The following RCBTB2 variants were observed in gnomAD, a reference collection of about 807,000 sequenced individuals.
The protein encoded by RCBTB2 is RCC1 and BTB domain-containing protein 2.
Under a neutral mutation model 65.4 loss-of-function variants are expected in RCBTB2, and 55 were observed. The ratio of observed to expected loss-of-function variants is 0.84; its 90% CI spans 0.68 to 1.05. RCBTB2 has a LOEUF of 1.05. RCBTB2 is among the 50% of genes least tolerant of loss of function. The pLI is 0.00. For missense variants in RCBTB2, 599 were observed against 680.1 expected, an observed-to-expected ratio of 0.88 and a Z score of 1.33; for synonymous variants, 220 against 255.2, an observed-to-expected ratio of 0.86 and a Z score of 1.31.
chr13:48,501,365 A>G (rs1436338283), intron 12 of RCBTB2, among the ~76,000 whole-genome samples: 1 of 152,144 alleles, frequency 6.6e-6, no homozygotes, highest in Non-Finnish European at 1.5e-5. Flanking sequence ...GTACGCCACA[A>G]GTGATTATAA....
chr13:48,530,089 G>C (rs1469685101), intron 1 of RCBTB2, among the ~76,000 whole-genome samples: 2 of 151,738 alleles, frequency 1.3e-5, no homozygotes, highest in East Asian at 3.9e-4. Context: ...TGTAGAGACA[G>C]AGTTTTGCCA....
In RCBTB2 at chr13:48,499,736, CA is replaced by C. The variant is rs1383659357; in HGVS notation, c.1268del (p.Leu423TrpfsTer9). ...KIRCEHFRSS[L>X]EDNEDDIVEM... ...CTACAATATCATCCTCGTTATCTTC[CA>C]ATGACGAACGAAAATGCTCACATCT... On this transcript the variant is annotated frameshift_variant, in exon 13 of 15. Coordinates refer to ENST00000344532, the MANE Select transcript of RCBTB2 (RefSeq NM_001268.4). LOFTEE classifies it high-confidence loss of function. The C allele has an allele frequency of 3.7e-6, 6 of 1,614,172 alleles. No individual in the cohort carries two copies. The highest frequency in any genetic ancestry group is 4.2e-6 in the Non-Finnish European group (5 of 1,180,018).
Position 48,504,387 on chromosome 13 carries a change from C to T in RCBTB2, c.927-1473G>A, listed in dbSNP as rs9332039. Reference sequence around the variant, plus strand: ...ATCTCACAAGTCAATTTTGTCCACACACCCTGTTTCAACAAACAGGCTTTC... The same window carrying T: ...ATCTCACAAGTCAATTTTGTCCACATACCCTGTTTCAACAAACAGGCTTTC... On this transcript the variant is annotated intron_variant, in intron 10 of 14. Coordinates refer to ENST00000344532, the MANE Select transcript of RCBTB2 (RefSeq NM_001268.4). 2,360 of 945,768 alleles carry T rather than the reference C, an allele frequency of 2.5e-3. 41 individuals carry two copies. In the African/African-American group the frequency reaches 0.039, roughly 16 times the overall value. 58.6% of individuals were successfully genotyped at this position (945,768 alleles called of 1,614,324 possible).
intron 10 of RCBTB2, 128 bp downstream of exon 10, chr13:48,510,501 A>G: frequency 3.5e-6 from 4 of 1,159,306 alleles, no homozygotes; most frequent in Non-Finnish European, 3.6e-6. Flanking sequence ...TTCTAAAGGA[A>G]TAAATACTCT....
At chr13:48,516,745 A>T (rs1317730908) in intron 4 of RCBTB2, among the ~76,000 whole-genome samples, 1 of 152,232 alleles carries the variant, frequency 6.6e-6, no homozygotes, top group Non-Finnish European at 1.5e-5. Context: ...ATACATTAAG[A>T]TCACGAGCAC....
At chr13:48,513,217 A>C (rs1022802640) in intron 6 of RCBTB2, among the ~76,000 whole-genome samples, 12 of 152,128 alleles carry the variant, frequency 7.9e-5, no homozygotes, top group Non-Finnish European at 1.5e-4. Flanking sequence ...AGGCCACTTA[A>C]CTCCCCTAGG....
chr13:48,527,725 T>A (rs1479228531), intron 1 of RCBTB2, among the ~76,000 whole-genome samples: 1 of 152,212 alleles, frequency 6.6e-6, no homozygotes, highest in Non-Finnish European at 1.5e-5. Flanking sequence ...TTCACTAATT[T>A]ATTTTTAAAG....
chr13:48,522,059 C>A, intron 3 of RCBTB2, 97 bp from the exon 4 acceptor site: 2 of 1,048,306 alleles, frequency 1.9e-6, no homozygotes, highest in South Asian at 1.4e-5. Flanking sequence ...GGAAAATAAG[C>A]TAAGCTCAAA....
intron 1 of RCBTB2, among the ~76,000 whole-genome samples, chr13:48,531,683 C>A (rs925627727): frequency 6.6e-6 from 1 of 152,198 alleles, no homozygotes; most frequent in African/African-American, 2.4e-5. Flanking sequence ...CTTTTACCTG[C>A]TGCTTAATAA....
At chr13:48,508,052 T>C (rs9332012) in intron 10 of RCBTB2, among the ~76,000 whole-genome samples, 17 of 152,230 alleles carry the variant, frequency 1.1e-4, no homozygotes, top group Admixed American at 1.1e-3. Flanking sequence ...AAGAAAACAA[T>C]GTAGACAGAT....
chr13:48,532,800 C>A (rs1381850260), intron 1 of RCBTB2: 1 of 331,072 alleles, frequency 3.0e-6, no homozygotes, highest in South Asian at 2.1e-5. Context: ...TGGGTGTAGC[C>A]CCGGAACCTA....
At chr13:48,519,830 T>C (rs544109186) in intron 4 of RCBTB2, among the ~76,000 whole-genome samples, 3 of 152,322 alleles carry the variant, frequency 2.0e-5, no homozygotes, top group African/African-American at 7.2e-5. Context: ...AACTATTACA[T>C]AGGGAACTGA....
chr13:48,501,815 G>A lies in RCBTB2; in HGVS notation c.1171C>T (p.Pro391Ser). ...AGAAACTTCAGGTCTGCAGTGTCCGGGTTGTCAAATTCCCTCTTCAGTGAC... is the reference window on the plus strand; with the variant it reads ...AGAAACTTCAGGTCTGCAGTGTCCGAGTTGTCAAATTCCCTCTTCAGTGAC... ...AESLKREFDN[P>S]DTADLKFLVD... The change falls in exon 12 of 15, where the codon CCG becomes TCG. Residue 391 changes from proline (P) to serine (S), a missense_variant. Coordinates refer to ENST00000344532, the MANE Select transcript of RCBTB2 (RefSeq NM_001268.4). 6.2e-7 allele frequency: 1 copy of A among 1,613,634 alleles called. No homozygotes were observed. The highest frequency in any genetic ancestry group is 8.5e-7 in the Non-Finnish European group (1 of 1,179,530).
rs370148586 is a variant in RCBTB2, at chr13:48,496,297, T to C, written c.1409A>G (p.Tyr470Cys). ...GAGCTTTTTCAAACGATTTTCTCTA[T>C]AAAATGTAGCCAAGTCTAGCAGTCC... ...AVGLLDLATF[Y>C]RENRLKKLCQ... The change falls in exon 14 of 15, where the codon TAT becomes TGT. Residue 470 changes from tyrosine to cysteine, a missense_variant. Physicochemically the swap from Tyr to Cys is radical, Grantham distance 194 (BLOSUM62 -2). Transcript: ENST00000344532. 2.0e-4 allele frequency: 313 copies of C among 1,585,164 alleles called. No homozygotes were observed. The highest frequency in any genetic ancestry group is 2.5e-4 in the Non-Finnish European group (295 of 1,166,618).
chr13:48,533,245 C>A, upstream of RCBTB2: 1 of 308,234 alleles, frequency 3.2e-6, no homozygotes, highest in South Asian at 2.3e-5. Context: ...CCTAGGCTGC[C>A]CACCGCCGCC....
At chr13:48,493,289 C>CACACACA (rs1949796473) in intron 14 of RCBTB2, among the ~76,000 whole-genome samples, 1 of 102,294 alleles carries the variant, frequency 9.8e-6, no homozygotes, top group African/African-American at 5.5e-5. Context: ...CTCTCTCTCT[C>CACACACA]CACACACACA....
chr13:48,496,128 C>T (rs540890364), intron 14 of RCBTB2, 63 bp downstream of exon 14: 10 of 1,382,570 alleles, frequency 7.2e-6, no homozygotes, highest in South Asian at 5.8e-5. Flanking sequence ...GTTTAAGGTA[C>T]GAGGCAGACA....
chr13:48,495,987 A>AACCTT lies in RCBTB2; in HGVS notation c.1515+203_1515+204insAAGGT, dbSNP rs1555298667. Among the ~76,000 whole-genome samples, 83 of 152,030 alleles carry AACCTT rather than the reference A, an allele frequency of 5.5e-4. 1 individual carries two copies. The highest frequency in any genetic ancestry group is 1.9e-3 in the African/African-American group (78 of 41,276). On this transcript the variant is annotated intron_variant, in intron 14 of 14. Coordinates refer to ENST00000344532, the MANE Select transcript of RCBTB2 (RefSeq NM_001268.4). ...TTATCTTTTTAAATCAGAGCTATAAATCCTTTATGGCTTCTGCCTTTGATG... is the reference window on the plus strand; with the variant it reads ...TTATCTTTTTAAATCAGAGCTATAAAACCTTTCCTTTATGGCTTCTGCCTTTGATG...
intron 4 of RCBTB2, among the ~76,000 whole-genome samples, chr13:48,518,995 A>G (rs1454788776): frequency 6.6e-6 from 1 of 152,174 alleles, no homozygotes. Context: ...TCTATATCTT[A>G]TATCTTATTT....
Sources: gnomAD v4.1 joint callset for allele counts (sites outside exome capture counted in the v4.1 genomes callset) on GRCh38, gnomAD v4.1.1 for gene constraint, MANE v1.5 for transcripts, NCBI Gene and HGNC (gene_info 2026-07-23, HGNC 2026-07-21) for gene names.